The following ATP9B variants were observed in gnomAD, a reference collection of about 807,000 sequenced individuals.
The protein encoded by ATP9B is ATPase phospholipid transporting 9B.
Under a neutral mutation model 146.1 loss-of-function variants are expected in ATP9B, and 110 were observed. The observed-to-expected ratio is 0.75, with a 90% CI of 0.65 to 0.88. The LOEUF is 0.88. Among genes scored for constraint, ATP9B ranks in the 40% least tolerant of loss-of-function variants. ATP9B has a pLI of 0.00. For synonymous variants in ATP9B, 604 were observed against 569.7 expected (o/e 1.06, Z -0.86); for missense variants, 1,499 against 1,496.4 (o/e 1.00, Z -0.03).
chr18:79,279,210 C>T (rs2096349539), intron 13 of ATP9B, among the ~76,000 whole-genome samples: 1 of 151,928 alleles, frequency 6.6e-6, no homozygotes, highest in Admixed American at 6.6e-5. Flanking sequence ...CACTCATGCG[C>T]CCCCTGTGAG....
intron 7 of ATP9B, among the ~76,000 whole-genome samples, chr18:79,157,995 G>A (rs903249619): frequency 6.6e-6 from 1 of 151,842 alleles, no homozygotes; most frequent in African/African-American, 2.4e-5. Flanking sequence ...TTGTTTTTCT[G>A]TTCTTTATTT....
chr18:79,132,476 T>C (rs2094392684), intron 5 of ATP9B, among the ~76,000 whole-genome samples: 1 of 152,180 alleles, frequency 6.6e-6, no homozygotes, highest in Non-Finnish European at 1.5e-5. Context: ...ACAGTAGTTT[T>C]AGGTAGAGCT....
At chr18:79,134,983 A>C (rs2094431287) in intron 5 of ATP9B, among the ~76,000 whole-genome samples, 1 of 152,176 alleles carries the variant, frequency 6.6e-6, no homozygotes, top group African/African-American at 2.4e-5. Context: ...TTGTAATTTT[A>C]CACTTAAGAT....
intron 27 of ATP9B, 40 bp downstream of exon 27, chr18:79,372,922 T>C: frequency 7.0e-7 from 1 of 1,437,404 alleles, no homozygotes. Context: ...AAAGATTTTT[T>C]TATTTTGGTC....
At chr18:79,332,291 T>C (rs948150169) in intron 17 of ATP9B, among the ~76,000 whole-genome samples, 1 of 151,998 alleles carries the variant, frequency 6.6e-6, no homozygotes, top group Non-Finnish European at 1.5e-5. Flanking sequence ...TAGCCGGGTG[T>C]GGTGGCGGGC....
intron 9 of ATP9B, among the ~76,000 whole-genome samples, chr18:79,193,968 T>C (rs2095394294): frequency 2.6e-5 from 4 of 152,224 alleles, no homozygotes; most frequent in Admixed American, 6.5e-5. Flanking sequence ...GCTTATATAA[T>C]GTGACAGTTA....
At chr18:79,245,291 C>G (rs1215843290) in intron 11 of ATP9B, among the ~76,000 whole-genome samples, 1 of 152,158 alleles carries the variant, frequency 6.6e-6, no homozygotes, top group Non-Finnish European at 1.5e-5. Context: ...AAACCAAATG[C>G]CACTTCTATG....
chr18:79,077,000 CTT>C (rs2072698851), intron 1 of ATP9B, among the ~76,000 whole-genome samples: 1 of 152,054 alleles, frequency 6.6e-6, no homozygotes, highest in African/African-American at 2.4e-5. Flanking sequence ...TCTTCTGAGA[CTT>C]TATATTTTTT....
At chr18:79,099,177 A>G (rs556205077) in intron 2 of ATP9B, among the ~76,000 whole-genome samples, 1 of 152,192 alleles carries the variant, frequency 6.6e-6, no homozygotes, top group Non-Finnish European at 1.5e-5. Flanking sequence ...GACAGGTATT[A>G]TCATTAAGTT....
chr18:79,319,306 C>G (rs984990125), intron 15 of ATP9B, among the ~76,000 whole-genome samples: 6 of 152,138 alleles, frequency 3.9e-5, no homozygotes, highest in African/African-American at 1.4e-4. Flanking sequence ...ATAAAATGCC[C>G]TTGTATATGT....
chr18:79,340,807 T>C (rs1310542478), intron 19 of ATP9B, among the ~76,000 whole-genome samples: 1 of 152,266 alleles, frequency 6.6e-6, no homozygotes, highest in East Asian at 1.9e-4. Context: ...TAAACAACTT[T>C]TGGTTTGACT....
intron 17 of ATP9B, among the ~76,000 whole-genome samples, chr18:79,331,585 A>G (rs1249826359): frequency 2.6e-5 from 4 of 152,156 alleles, no homozygotes; most frequent in Non-Finnish European, 4.4e-5. Flanking sequence ...GTACTACTAT[A>G]TTATGAAAGC....
At chr18:79,071,398 C>CTTTTTTTTTTTTTTTTTTTTTTTTT (rs747150962) in intron 1 of ATP9B, among the ~76,000 whole-genome samples, 65 of 22,368 alleles carry the variant, frequency 2.9e-3, no homozygotes, top group Admixed American at 4.1e-3. Context: ...TATTGTTCTT[C>CTTTTTTTTTTTTTTTTTTTTTTTTT]CTTTTTTTTT....
chr18:79,263,425 G>A (rs2096165967), intron 12 of ATP9B, among the ~76,000 whole-genome samples: 1 of 152,216 alleles, frequency 6.6e-6, no homozygotes, highest in Non-Finnish European at 1.5e-5. Context: ...GATACGGAGG[G>A]TTGACTTGAC....
intron 12 of ATP9B, among the ~76,000 whole-genome samples, chr18:79,261,149 A>C (rs547267783): frequency 1.3e-5 from 2 of 152,098 alleles, no homozygotes; most frequent in African/African-American, 4.8e-5. Context: ...TTGATGCTAT[A>C]ATAGGCCGAG....
chr18:79,256,274 TATATATATATATAC>T (rs1254934948), intron 12 of ATP9B, among the ~76,000 whole-genome samples: 2 of 132,520 alleles, frequency 1.5e-5, no homozygotes, highest in Admixed American at 1.5e-4. Flanking sequence ...TATATATATA[TATATATATATATAC>T]ATACATAGTG....
At chr18:79,192,474 G>A (rs970219345) in intron 8 of ATP9B, among the ~76,000 whole-genome samples, 1 of 152,156 alleles carries the variant, frequency 6.6e-6, no homozygotes, top group Non-Finnish European at 1.5e-5. Flanking sequence ...AGCGAGAAGA[G>A]GCACTGGGGT....
At chr18:79,234,568 G>A (rs986228643) in intron 11 of ATP9B, among the ~76,000 whole-genome samples, 1 of 151,980 alleles carries the variant, frequency 6.6e-6, no homozygotes, top group Non-Finnish European at 1.5e-5. Flanking sequence ...GCGTGCTGCT[G>A]TGGGCTTGCT....
chr18:79,197,467 A>G (rs559708460), intron 9 of ATP9B, among the ~76,000 whole-genome samples: 3 of 152,290 alleles, frequency 2.0e-5, no homozygotes, highest in African/African-American at 7.2e-5. Context: ...TCATATAACT[A>G]AAAAATAGAA....
Sources: gnomAD v4.1 joint callset for allele counts (sites outside exome capture counted in the v4.1 genomes callset) on GRCh38, gnomAD v4.1.1 for gene constraint, MANE v1.5 for transcripts, NCBI Gene and HGNC (gene_info 2026-07-23, HGNC 2026-07-21) for gene names.